Variants in USH2A observed in about 807,000 individuals in gnomAD.
USH2A encodes the protein Usher syndrome 2A (autosomal recessive, mild).
A neutral mutation model predicts 538.9 loss-of-function variants in USH2A; 443 were observed. The ratio of observed to expected loss-of-function variants is 0.82; its 90% confidence interval spans 0.76 to 0.89. USH2A has a LOEUF of 0.89. USH2A is among the 40% of genes least tolerant of loss of function. The probability of loss-of-function intolerance (pLI) is 0.00; values close to 1 mark genes in which losing one functional copy is unlikely to be tolerated. For synonymous variants in USH2A, 2,413 were observed against 2,273.5 expected (o/e 1.06, Z -1.75); for missense variants, 6,633 against 6,324.8 (o/e 1.05, Z -1.65).
chr1:215,793,064 A>G (rs909297941), intron 50 of USH2A, among the ~76,000 whole-genome samples: 1 of 152,204 alleles, frequency 6.6e-6, no homozygotes, highest in Admixed American at 6.6e-5. Context: ...AACTGAGAAA[A>G]TAGTGGAGGA....
chr1:216,138,431 T>A (rs752476553), intron 21 of USH2A, among the ~76,000 whole-genome samples: 1 of 152,244 alleles, frequency 6.6e-6, no homozygotes, highest in Admixed American at 6.5e-5. Flanking sequence ...TCCGTGCAGC[T>A]ATTGCTCCAA....
intron 21 of USH2A, among the ~76,000 whole-genome samples, chr1:216,113,095 G>T: frequency 6.9e-6 from 1 of 144,558 alleles, no homozygotes; most frequent in African/African-American, 2.6e-5. Flanking sequence ...GTCTAAATGT[G>T]ACCCTTATAA....
chr1:216,198,610 C>T lies in USH2A; in HGVS notation c.3812-26G>A, dbSNP rs139535141. Reference sequence around the variant, plus strand: ...CTAGAGAAATTAAATAGTGAACCTACGTAACTCATCAGACAAAGGGGTTAC... The same window carrying T: ...CTAGAGAAATTAAATAGTGAACCTATGTAACTCATCAGACAAAGGGGTTAC... On this transcript the variant is annotated intron_variant, in intron 17 of 71. Transcript: ENST00000307340. 272 of 1,603,404 alleles carry T rather than the reference C, an allele frequency of 1.7e-4. 1 individual carries two copies. The African/African-American group carries it at 2.6e-3, about 15-fold the overall frequency.
Position 215,634,540 on chromosome 1 carries a change from AT to A in USH2A, c.15215del (p.Tyr5072LeufsTer18). The A allele has an allele frequency of 1.2e-6, 2 of 1,614,226 alleles. No individual in the cohort carries two copies. Reference protein sequence around the residue: ...ILQRKIHKEPYIRERPPLVPL... With the variant: ...ILQRKIHKEPXIRERPPLVPL... ...GTACCAAGGGAGGTCTTTCTCTGAT[AT>A]ATGGCTCTTTGTGGATTTTTCTTTG... On this transcript the variant is annotated frameshift_variant, in exon 70 of 72. Coordinates refer to ENST00000307340, the MANE Select transcript of USH2A (RefSeq NM_206933.4). LOFTEE classifies it high-confidence loss of function.
intron 32 of USH2A, among the ~76,000 whole-genome samples, chr1:216,044,805 T>G (rs904169674): frequency 2.0e-5 from 3 of 152,208 alleles, no homozygotes; most frequent in African/African-American, 7.2e-5. Context: ...CTTCTTTCCC[T>G]CAGTTTCTTC....
chr1:215,630,511 T>G (rs1208804774), intron 70 of USH2A, among the ~76,000 whole-genome samples: 4 of 129,152 alleles, frequency 3.1e-5, no homozygotes, highest in African/African-American at 1.2e-4. Flanking sequence ...TATATATATA[T>G]ATATATATAT....
Position 216,175,534 on chromosome 1 carries a change from G to A in USH2A, c.4397-52C>T, listed in dbSNP as rs557853649. Reference sequence around the variant, plus strand: ...TTCAAGAATTTGGTTTCTGTCTCTAGACACACATATTCACATATACGTATA... The same window carrying A: ...TTCAAGAATTTGGTTTCTGTCTCTAAACACACATATTCACATATACGTATA... On this transcript the variant is annotated intron_variant, in intron 20 of 71. Coordinates refer to ENST00000307340, the MANE Select transcript of USH2A (RefSeq NM_206933.4). 13 of 1,518,198 alleles carry A rather than the reference G, an allele frequency of 8.6e-6. No individual in the cohort carries two copies. The South Asian group carries it at 1.5e-4, about 17-fold the overall frequency. 94.0% of individuals were successfully genotyped at this position (1,518,198 alleles called of 1,614,324 possible). A position where few individuals can be genotyped will look rare whatever the true frequency, so the allele number is the denominator to read the frequency against.
rs2035133986 is a variant in USH2A at position 216,207,262 on chromosome 1, C to G, written c.3316+11G>C. The G allele has an allele frequency of 6.2e-7, 1 of 1,613,732 alleles. No homozygotes were observed. Among genetic ancestry groups the G allele is most frequent in the Admixed American group, 1.7e-5 (1 of 60,000 alleles). ...GAATATTTATTTCTATTACCAAACC[C>G]TTAAACTCACTGTATGGGTATTGAT... On this transcript the variant is annotated intron_variant, in intron 16 of 71. Coordinates refer to ENST00000307340, the MANE Select transcript of USH2A (RefSeq NM_206933.4).
At chr1:216,172,411 T>A (rs963295600) in intron 21 of USH2A, among the ~76,000 whole-genome samples, 1 of 152,116 alleles carries the variant, frequency 6.6e-6, no homozygotes. Flanking sequence ...GTCATTTTAG[T>A]TGAAGTTTGA....
At chr1:216,361,871 C>T (rs2038497379) in intron 4 of USH2A, among the ~76,000 whole-genome samples, 1 of 152,140 alleles carries the variant, frequency 6.6e-6, no homozygotes, top group Non-Finnish European at 1.5e-5. Context: ...GCAAAAAGAA[C>T]ACAAAAGAGT....
intron 3 of USH2A, among the ~76,000 whole-genome samples, chr1:216,412,977 C>G (rs963250526): frequency 1.3e-5 from 2 of 151,906 alleles, no homozygotes; most frequent in Admixed American, 6.6e-5. Context: ...AAATATGTAA[C>G]ATGTTTAATA....
intron 32 of USH2A, among the ~76,000 whole-genome samples, chr1:216,010,680 T>C (rs4655290): frequency 0.52 from 78,073 of 150,632 alleles, 20,524 homozygotes; most frequent in East Asian, 0.7. Context: ...CTTAAAACTC[T>C]CCAACTCTGG....
chr1:215,743,886 CA>C (rs1660390637), intron 58 of USH2A, among the ~76,000 whole-genome samples: 2 of 151,032 alleles, frequency 1.3e-5, no homozygotes, highest in South Asian at 4.2e-4. Context: ...AAAAGCTTCA[CA>C]AAAGTTAAGT....
At position 215,817,177 on chromosome 1, in the gene USH2A, C is replaced by A; in HGVS notation, c.9390G>T (p.Trp3130Cys). ...TGCCATTTGGCTTCCGTGGAGACAC[C>A]CAATCAATTTGAAGAGATCTGCAAC... is the stretch of plus-strand genomic sequence containing the variant. ...GITSRSLQID[W>C]VSPRKPNGII... Residue 3130 changes from tryptophan (W) to cysteine (C), a missense_variant, in exon 48 of 72, where the codon TGG becomes TGT. Coordinates refer to ENST00000307340, the MANE Select transcript of USH2A (RefSeq NM_206933.4). 6.2e-7 allele frequency: 1 copy of A among 1,611,914 alleles called. No homozygotes were observed. Among genetic ancestry groups the A allele is most frequent in the Non-Finnish European group, 8.5e-7 (1 of 1,178,622 alleles).
intron 4 of USH2A, among the ~76,000 whole-genome samples, chr1:216,347,444 A>T (rs746265241): frequency 3.9e-5 from 6 of 152,114 alleles, no homozygotes; most frequent in Non-Finnish European, 7.4e-5. Flanking sequence ...ATTACAAAGT[A>T]TGTCTTCTTC....
At chr1:215,689,177 G>A (rs1293754526) in intron 61 of USH2A, among the ~76,000 whole-genome samples, 1 of 152,158 alleles carries the variant, frequency 6.6e-6, no homozygotes, top group African/African-American at 2.4e-5. Flanking sequence ...GTCTTGTTAA[G>A]TTCAAGATGT....
rs538269961 is a variant in USH2A, at chr1:216,290,040, T to G, written c.1841-630A>C. Among the ~76,000 whole-genome samples, 6 of 152,248 alleles carry G rather than the reference T, an allele frequency of 3.9e-5. No individual in the cohort carries two copies. The South Asian group carries it at 1.2e-3, about 32-fold the overall frequency. The stretch of plus-strand genomic sequence containing the variant: ...TATTAGATATATCAGGTAATTCCCA[T>G]AGTTTATAATTTATAATTACAAATT... On this transcript the variant is annotated intron_variant, in intron 10 of 71. Coordinates refer to ENST00000307340, the MANE Select transcript of USH2A (RefSeq NM_206933.4).
intron 22 of USH2A, among the ~76,000 whole-genome samples, chr1:216,094,660 C>T (rs544482125): frequency 6.6e-6 from 1 of 152,150 alleles, no homozygotes; most frequent in African/African-American, 2.4e-5. Flanking sequence ...AGATTACTTA[C>T]TGAAATATTT....
chr1:216,370,301 C>T (rs888527279), intron 3 of USH2A, among the ~76,000 whole-genome samples: 4 of 151,210 alleles, frequency 2.6e-5, no homozygotes, highest in South Asian at 2.1e-4. Context: ...GTGGAGGTTG[C>T]GGTGAGCCGA....
Sources: gnomAD v4.1 joint callset for allele counts (sites outside exome capture counted in the v4.1 genomes callset) on GRCh38, gnomAD v4.1.1 for gene constraint, MANE v1.5 for transcripts, NCBI Gene and HGNC (gene_info 2026-07-23, HGNC 2026-07-21) for gene names.